TSHZ2: variants seen among roughly 807,000 people sequenced by gnomAD.
The protein encoded by TSHZ2 is teashirt homolog 2.
TSHZ2 carries 21 observed loss-of-function variants against 74.4 expected under a neutral mutation model. That is an observed-to-expected ratio of 0.28 (90% confidence interval 0.20 to 0.41). The LOEUF (loss-of-function observed/expected upper bound fraction) is 0.41, where lower values mean the gene tolerates loss of function less well. Among genes scored for constraint, TSHZ2 ranks in the 10% least tolerant of loss-of-function variants. The pLI is 1.00. For synonymous variants in TSHZ2, 540 were observed against 515.3 expected (o/e 1.05, Z -0.65); for missense variants, 1,244 against 1,293.5 (o/e 0.96, Z 0.59).
intron 2 of TSHZ2, among the ~76,000 whole-genome samples, chr20:53,374,663 T>TTTGGTTC (rs1981595928): frequency 6.6e-6 from 1 of 152,208 alleles, no homozygotes; most frequent in Non-Finnish European, 1.5e-5. Context: ...TGTTTTGTTT[T>TTTGGTTC]GTTTTGGTTC....
At chr20:52,985,853 C>G (rs559372884) in intron 1 of TSHZ2, among the ~76,000 whole-genome samples, 1 of 152,218 alleles carries the variant, frequency 6.6e-6, no homozygotes, top group African/African-American at 2.4e-5. Context: ...GGAAGCAAGC[C>G]CAACCTTGAA....
chr20:53,369,572 A>G (rs1981393753), intron 2 of TSHZ2, among the ~76,000 whole-genome samples: 1 of 151,678 alleles, frequency 6.6e-6, no homozygotes, highest in East Asian at 1.9e-4. Context: ...TTAGCTGGGC[A>G]TGGTGGTGCA....
chr20:53,066,736 G>A (rs2123183529), intron 1 of TSHZ2, among the ~76,000 whole-genome samples: 1 of 152,322 alleles, frequency 6.6e-6, no homozygotes, highest in South Asian at 2.1e-4. Context: ...TCAATCTGCT[G>A]AGCTCGTGAT....
intron 2 of TSHZ2, among the ~76,000 whole-genome samples, chr20:53,481,408 C>CA (rs1314141067): frequency 1.3e-5 from 2 of 151,726 alleles, no homozygotes; most frequent in South Asian, 2.1e-4. Context: ...CCTGTCTCTA[C>CA]AAAAAATACA....
chr20:53,339,428 A>G (rs1418192334), intron 2 of TSHZ2, among the ~76,000 whole-genome samples: 1 of 152,122 alleles, frequency 6.6e-6, no homozygotes, highest in Non-Finnish European at 1.5e-5. Flanking sequence ...AGCCACTTTG[A>G]ACCCTGAAAG....
chr20:53,288,373 T>G (rs1054940714), intron 2 of TSHZ2, among the ~76,000 whole-genome samples: 6 of 148,562 alleles, frequency 4.0e-5, no homozygotes, highest in Non-Finnish European at 8.9e-5. Context: ...CACTGCACAC[T>G]GCACTCCAGC....
chr20:53,359,073 C>T (rs1261934901), intron 2 of TSHZ2, among the ~76,000 whole-genome samples: 1 of 152,136 alleles, frequency 6.6e-6, no homozygotes, highest in South Asian at 2.1e-4. Flanking sequence ...TTCCTGGTTG[C>T]TCTGTTAGCC....
chr20:53,031,106 C>A (rs1983618113), intron 1 of TSHZ2, among the ~76,000 whole-genome samples: 1 of 152,028 alleles, frequency 6.6e-6, no homozygotes, highest in Non-Finnish European at 1.5e-5. Context: ...GGGATAGCAT[C>A]CCAGAAGTAG....
At chr20:53,293,700 CAAAAAA>C (rs11476117) in intron 2 of TSHZ2, among the ~76,000 whole-genome samples, 1 of 120,266 alleles carries the variant, frequency 8.3e-6, no homozygotes, top group Non-Finnish European at 1.7e-5. Flanking sequence ...AACTGGCTCT[CAAAAAA>C]AAAAAAAAAA....
At chr20:53,167,827 G>C (rs1988098301) in intron 1 of TSHZ2, among the ~76,000 whole-genome samples, 2 of 152,174 alleles carry the variant, frequency 1.3e-5, no homozygotes, top group African/African-American at 4.8e-5. Context: ...GTCATGTGAA[G>C]TTATGACAAA....
chr20:53,294,780 C>G (rs1168527876), intron 2 of TSHZ2, among the ~76,000 whole-genome samples: 1 of 151,816 alleles, frequency 6.6e-6, no homozygotes, highest in Admixed American at 6.6e-5. Flanking sequence ...TCCTCTAATC[C>G]TTTTTGTGAG....
chr20:53,019,080 T>A (rs1983141412), intron 1 of TSHZ2, among the ~76,000 whole-genome samples: 1 of 152,222 alleles, frequency 6.6e-6, no homozygotes. Context: ...ACCAATTCTC[T>A]ATATTTGTGT....
At chr20:53,180,799 A>G (rs1737619670) in intron 1 of TSHZ2, among the ~76,000 whole-genome samples, 1 of 152,188 alleles carries the variant, frequency 6.6e-6, no homozygotes, top group Non-Finnish European at 1.5e-5. Flanking sequence ...AAATGAAAAG[A>G]TCACTTGTTA....
At chr20:53,215,274 G>A (rs1002497785) in intron 1 of TSHZ2, among the ~76,000 whole-genome samples, 1 of 152,020 alleles carries the variant, frequency 6.6e-6, no homozygotes, top group African/African-American at 2.4e-5. Flanking sequence ...ACCACTTCCC[G>A]GGATTCCAGT....
intron 1 of TSHZ2, among the ~76,000 whole-genome samples, chr20:53,108,375 T>C (rs1447886441): frequency 2.0e-5 from 3 of 152,232 alleles, no homozygotes; most frequent in African/African-American, 7.2e-5. Context: ...TTTTCTTTTT[T>C]AAATGAAAGG....
Position 53,253,968 on chromosome 20 carries a change from A to T in TSHZ2, c.510A>T (p.Gln170His). 1 of 1,614,134 alleles carries T rather than the reference A, an allele frequency of 6.2e-7. No homozygotes were observed. Reference sequence around the variant, plus strand: ...ACAAGAGTGATTTTGATTGGCACCAAGACGCTCTGTCCAAAAGCCTGCAGC... The same window carrying T: ...ACAAGAGTGATTTTGATTGGCACCATGACGCTCTGTCCAAAAGCCTGCAGC... ...GSNKSDFDWH[Q>H]DALSKSLQQN... The change falls in exon 2 of 3, where the codon CAA (glutamine) becomes CAT (histidine). Residue 170 changes from glutamine to histidine, a missense_variant. Gln to His is a conservative substitution (Grantham distance 24). Transcript: ENST00000371497.
intron 1 of TSHZ2, among the ~76,000 whole-genome samples, chr20:53,117,705 A>T (rs1986708311): frequency 6.6e-6 from 1 of 152,230 alleles, no homozygotes; most frequent in African/African-American, 2.4e-5. Flanking sequence ...AATGGCATTG[A>T]TCAGTCATTT....
intron 2 of TSHZ2, among the ~76,000 whole-genome samples, chr20:53,484,826 T>C (rs931773806): frequency 1.3e-5 from 2 of 152,194 alleles, no homozygotes; most frequent in Non-Finnish European, 2.9e-5. Context: ...GTTTCAAATG[T>C]CTGTTATGAT....
At chr20:53,121,860 C>T (rs1416249737) in intron 1 of TSHZ2, among the ~76,000 whole-genome samples, 1 of 151,892 alleles carries the variant, frequency 6.6e-6, no homozygotes, top group Non-Finnish European at 1.5e-5. Flanking sequence ...TATTGTCCCT[C>T]CTCTCTCCCT....
Sources: allele counts gnomAD v4.1 joint callset (sites outside exome capture counted in the v4.1 genomes callset), GRCh38; gene constraint gnomAD v4.1.1; transcripts MANE v1.5; gene names NCBI Gene and HGNC (gene_info 2026-07-23, HGNC 2026-07-21).